Variants in LYST observed in about 807,000 individuals in gnomAD.
LYST encodes lysosomal-trafficking regulator.
In LYST, 192 loss-of-function variants were observed where a neutral mutation model predicts 413.6. That is an observed-to-expected ratio of 0.46 (90% CI 0.41 to 0.52). The LOEUF is 0.52. Among genes scored for constraint, LYST ranks in the 20% least tolerant of loss-of-function variants. LYST has a pLI of 0.00. For synonymous variants in LYST, 1,525 were observed against 1,567.3 expected (o/e 0.97, Z 0.64); for missense variants, 3,815 against 4,499.9 (o/e 0.85, Z 4.35).
Position 235,667,369 on chromosome 1 carries a change from A to AC in LYST, c.11039-2749dup, listed in dbSNP as rs528592540. 1.7e-4 allele frequency among the ~76,000 whole-genome samples: 26 copies of AC among 151,854 alleles called. No homozygotes were observed. The East Asian group carries it at 2.7e-3, about 16-fold the overall frequency. On this transcript the variant is annotated intron_variant, in intron 50 of 52. Coordinates refer to ENST00000389793, the MANE Select transcript of LYST (RefSeq NM_000081.4). ...TGATAGAATGGTAAACACACATACA[A>AC]CCCCCCCAGAAATCACTGATTACAT...
chr1:235,816,883 CTTAA>C (rs977582478), intron 3 of LYST, among the ~76,000 whole-genome samples: 14 of 152,046 alleles, frequency 9.2e-5, no homozygotes, highest in Admixed American at 2.6e-4. Context: ...ACAAATGGGA[CTTAA>C]TTAAAGAGCT....
At chr1:235,712,458 GTCTA>G (rs1043938645) in intron 42 of LYST, 7 of 365,826 alleles carry the variant, frequency 1.9e-5, no homozygotes, top group Non-Finnish European at 2.9e-5. Context: ...TTTAATTTTC[GTCTA>G]TCTATCAAAG....
At chr1:235,712,754 T>C (rs1662504806) in intron 42 of LYST, 1 of 985,218 alleles carries the variant, frequency 1.0e-6, no homozygotes, top group Admixed American at 6.2e-5. Flanking sequence ...AGCTAAAGAA[T>C]TGAGTAAAAT....
chr1:235,670,564 T>G (rs548045158), intron 50 of LYST, among the ~76,000 whole-genome samples: 3 of 152,236 alleles, frequency 2.0e-5, no homozygotes, highest in African/African-American at 7.2e-5. Flanking sequence ...CCCACCAGCA[T>G]GATGAATATA....
intron 41 of LYST, 148 bp downstream of exon 41, chr1:235,716,564 T>C (rs1662851644): frequency 3.4e-6 from 2 of 580,358 alleles, no homozygotes; most frequent in Admixed American, 6.4e-5. Context: ...TGATATTTCA[T>C]TTCACATAAT....
At chr1:235,800,171 T>C in intron 10 of LYST, 149 bp downstream of exon 10, 1 of 585,682 alleles carries the variant, frequency 1.7e-6, no homozygotes, top group Non-Finnish European at 3.2e-6. Context: ...GGTATTGAAC[T>C]CCCAGGCTCA....
chr1:235,752,205 T>C (rs1376865548), intron 26 of LYST, 34 bp from the exon 27 acceptor site: 12 of 1,495,426 alleles, frequency 8.0e-6, no homozygotes, highest in Non-Finnish European at 1.1e-5. Flanking sequence ...AAACAGAACA[T>C]TTATAAGAAA....
At chr1:235,774,525 T>C (rs574100182) in intron 18 of LYST, among the ~76,000 whole-genome samples, 10 of 152,156 alleles carry the variant, frequency 6.6e-5, no homozygotes, top group Non-Finnish European at 1.5e-4. Context: ...ACTAACTCTG[T>C]AGCAGCAGTG....
intron 47 of LYST, among the ~76,000 whole-genome samples, chr1:235,692,508 G>A (rs1660741397): frequency 1.3e-5 from 2 of 151,900 alleles, no homozygotes; most frequent in Admixed American, 1.3e-4. Context: ...AGCCTCCTGA[G>A]TAGCTGGAAT....
intron 31 of LYST, chr1:235,736,889 G>A (rs949991219): frequency 6.6e-6 from 1 of 151,904 alleles, no homozygotes; most frequent in African/African-American, 2.4e-5. Context: ...GAAAAAATAA[G>A]AGGAGCGGAA....
intron 12 of LYST, chr1:235,791,438 T>C (rs1041026810): frequency 3.4e-5 from 15 of 438,308 alleles, no homozygotes; most frequent in Non-Finnish European, 5.5e-5. Flanking sequence ...TAAGGAACTT[T>C]AGGGGCTGAT....
chr1:235,877,363 G>A (rs771034041), intron 1 of LYST, among the ~76,000 whole-genome samples: 1 of 152,122 alleles, frequency 6.6e-6, no homozygotes, highest in Admixed American at 6.5e-5. Context: ...AGGAATCATG[G>A]GAACACAGAA....
At chr1:235,725,673 G>A (rs969770231) in intron 38 of LYST, among the ~76,000 whole-genome samples, 1 of 152,144 alleles carries the variant, frequency 6.6e-6, no homozygotes, top group Non-Finnish European at 1.5e-5. Flanking sequence ...AGTCTCTGGA[G>A]GAGCATTCCT....
intron 14 of LYST, among the ~76,000 whole-genome samples, chr1:235,785,471 G>C (rs1670321463): frequency 1.3e-5 from 2 of 152,090 alleles, no homozygotes; most frequent in Non-Finnish European, 2.9e-5. Flanking sequence ...TGTAATGAAT[G>C]AACAAATGAA....
Position 235,664,143 on chromosome 1 carries a change from T to C in LYST, c.11196-88A>G, listed in dbSNP as rs3819013. 453,360 of 1,032,796 alleles carry C rather than the reference T, an allele frequency of 0.44. 110,604 individuals carry two copies. The highest frequency in any genetic ancestry group is 0.52 in the Non-Finnish European group (337,719 of 655,506). The allele number at this position is 1,032,796 out of a possible 1,614,324, so 64.0% of individuals were successfully genotyped here. On this transcript the variant is annotated intron_variant, in intron 51 of 52. Coordinates refer to ENST00000389793, the MANE Select transcript of LYST (RefSeq NM_000081.4). The surrounding 1 kb of genome is among the most constrained non-coding windows in gnomAD (Gnocchi z 4.5). ...ATATTTGTTTATTTGTTAAAAATCA[T>C]GTGGAAGGAAATGTAACAAACAATT...
chr1:235,812,779 C>T (rs1039423879), intron 4 of LYST, among the ~76,000 whole-genome samples, 192 bp downstream of exon 4: 1 of 152,132 alleles, frequency 6.6e-6, no homozygotes, highest in African/African-American at 2.4e-5. Flanking sequence ...GTACTTCCCC[C>T]AAGAAGCACC....
rs932193444 is a variant in LYST, at chr1:235,798,739, C to T, written c.4006+1581G>A. On this transcript the variant is annotated intron_variant, in intron 10 of 52. Transcript: ENST00000389793. ...AAGCATCATGCTATGTGAAAGAAAC[C>T]AGTCACAAAAGACCACATATTCCAT... Among the ~76,000 whole-genome samples, 61 of 151,754 alleles carry T rather than the reference C, an allele frequency of 4.0e-4. 3 individuals carry two copies. Among genetic ancestry groups the T allele is most frequent in the Non-Finnish European group, 4.4e-5 (3 of 67,956 alleles).
rs1279411948 is a variant in LYST at position 235,662,564 on chromosome 1, A to C, written c.*376T>G. The C allele has an allele frequency of 6.7e-6, 2 of 296,674 alleles. No individual in the cohort carries two copies. The highest frequency in any genetic ancestry group is 4.4e-5 in the African/African-American group (2 of 45,596). 18.4% of individuals were successfully genotyped at this position (296,674 alleles called of 1,614,324 possible). A position where few individuals can be genotyped will look rare whatever the true frequency, so the allele number is the denominator to read the frequency against. On this transcript the variant is annotated 3_prime_UTR_variant, in exon 53 of 53. Transcript: ENST00000389793. ...AATATAATTTTAGTGTGTTTTATAT[A>C]AACAATCAACCAACCAATTTAAATT... is the stretch of plus-strand genomic sequence containing the variant.
chr1:235,830,077 T>C, intron 3 of LYST, 149 bp downstream of exon 3: 2 of 636,478 alleles, frequency 3.1e-6, no homozygotes, highest in South Asian at 3.8e-5. Flanking sequence ...AATATGGTTA[T>C]AAATAGGTCC....
Sources: allele counts gnomAD v4.1 joint callset (sites outside exome capture counted in the v4.1 genomes callset), GRCh38; gene constraint gnomAD v4.1.1; non-coding constraint Gnocchi (gnomAD v3.1); transcripts MANE v1.5; gene names NCBI Gene and HGNC (gene_info 2026-07-23, HGNC 2026-07-21).